COL26A1: variants seen among roughly 807,000 people sequenced by gnomAD.
COL26A1 encodes collagen alpha-1(XXVI) chain.
COL26A1 carries 41 observed loss-of-function variants against 59.3 expected under a neutral mutation model. That is an observed-to-expected ratio of 0.69 (90% CI 0.54 to 0.90). The LOEUF is 0.90. COL26A1 is among the 40% of genes least tolerant of loss of function. COL26A1 has a pLI of 0.00. For missense variants in COL26A1, 612 were observed against 602.3 expected, an observed-to-expected ratio of 1.02 and a Z score of -0.17; for synonymous variants, 266 against 256.0, an observed-to-expected ratio of 1.04 and a Z score of -0.37.
intron 3 of COL26A1, among the ~76,000 whole-genome samples, chr7:101,530,015 G>A (rs113098368): frequency 0.037 from 5,579 of 152,172 alleles, 143 homozygotes; most frequent in African/African-American, 0.057. Context: ...TCATCCAGTC[G>A]CAGGAACATC....
intron 5 of COL26A1, among the ~76,000 whole-genome samples, 165 bp from the exon 6 acceptor site, chr7:101,543,833 A>G (rs1441059113): frequency 6.6e-6 from 1 of 152,212 alleles, no homozygotes; most frequent in Non-Finnish European, 1.5e-5. Context: ...TGTAAGTTGT[A>G]ATAACCAGCT....
chr7:101,372,497 C>A (rs572792317), intron 1 of COL26A1, among the ~76,000 whole-genome samples: 1 of 152,210 alleles, frequency 6.6e-6, no homozygotes, highest in South Asian at 2.1e-4. Context: ...GTGTTCCTGA[C>A]CACATACTTA....
intron 3 of COL26A1, among the ~76,000 whole-genome samples, chr7:101,485,171 C>T (rs567941673): frequency 2.5e-4 from 38 of 151,998 alleles, no homozygotes; most frequent in Non-Finnish European, 2.8e-4. Context: ...ATATTTCTAC[C>T]GGGGGAGAGA....
chr7:101,425,802 C>T lies in COL26A1; in HGVS notation c.281+5703C>T, dbSNP rs190612072. On this transcript the variant is annotated intron_variant, in intron 2 of 12. Transcript: ENST00000313669. ...GATTACAGGTGTGAGCCACCATGCC[C>T]GGCCCCCAGTGCTTCTTAGCATAAT... 4.5e-3 allele frequency among the ~76,000 whole-genome samples: 675 copies of T among 150,464 alleles called. 2 individuals carry two copies. Among genetic ancestry groups the T allele is most frequent in the African/African-American group, 0.016 (642 of 40,880 alleles).
rs869245512 is a variant in COL26A1, at chr7:101,517,798, A to ATTTTTTTT, written c.386-15258_386-15251dup. 4.2e-4 allele frequency among the ~76,000 whole-genome samples: 32 copies of ATTTTTTTT among 76,912 alleles called. 2 individuals carry two copies. The highest frequency in any genetic ancestry group is 1.4e-3 in the East Asian group (3 of 2,154). The allele number at this position is 76,912 out of a possible 152,430, so 50.5% of individuals were successfully genotyped here. On this transcript the variant is annotated intron_variant, in intron 3 of 12. Coordinates refer to ENST00000313669, the MANE Select transcript of COL26A1 (RefSeq NM_001278563.3). ...TCAGAGAAGCTTCCCTTCTCCCCGC[A>ATTTTTTTT]TTTTTTTTTTTTTTTTTTTTTTTTT... is the stretch of plus-strand genomic sequence containing the variant.
intron 4 of COL26A1, among the ~76,000 whole-genome samples, chr7:101,533,861 T>C (rs1795421793): frequency 6.6e-6 from 1 of 152,220 alleles, no homozygotes; most frequent in Non-Finnish European, 1.5e-5. Context: ...CGAGGGTACC[T>C]CTGTCTCAGC....
intron 7 of COL26A1, among the ~76,000 whole-genome samples, chr7:101,546,250 A>AT (rs1396557224): frequency 1.3e-5 from 2 of 151,644 alleles, no homozygotes; most frequent in African/African-American, 2.4e-5. Flanking sequence ...TTTTACTTTA[A>AT]TTTTTTTTGA....
chr7:101,434,577 T>A (rs972406851), intron 2 of COL26A1, among the ~76,000 whole-genome samples: 24 of 141,992 alleles, frequency 1.7e-4, no homozygotes, highest in South Asian at 4.5e-4. Context: ...TTTTTTTTTT[T>A]AATAATATTA....
chr7:101,496,872 C>G (rs889337391), intron 3 of COL26A1, among the ~76,000 whole-genome samples: 10 of 146,226 alleles, frequency 6.8e-5, no homozygotes, highest in African/African-American at 2.6e-4. Context: ...ACAGTGAGAC[C>G]CTGTCTCAAA....
intron 3 of COL26A1, among the ~76,000 whole-genome samples, chr7:101,494,127 C>CGTTTTATTTTGTTTTGTTTT (rs71106542): frequency 3.1e-4 from 47 of 151,512 alleles, no homozygotes; most frequent in East Asian, 9.7e-4. Context: ...ATTGCATTGT[C>CGTTTTATTTTGTTTTGTTTT]GTTTTGTTTT....
intron 8 of COL26A1, among the ~76,000 whole-genome samples, chr7:101,547,799 CCATT>C (rs540226028): frequency 1.2e-4 from 17 of 141,956 alleles, no homozygotes; most frequent in South Asian, 6.2e-4. Context: ...ATTCATTTGT[CCATT>C]CATTCATTCG....
chr7:101,500,609 G>A (rs1794683138), intron 3 of COL26A1, among the ~76,000 whole-genome samples: 1 of 152,096 alleles, frequency 6.6e-6, no homozygotes, highest in South Asian at 2.1e-4. Context: ...CCTGAGGTCA[G>A]GAGTTCGAGA....
chr7:101,549,111 T>C, intron 8 of COL26A1, 60 bp from the exon 9 acceptor site: 1 of 846,726 alleles, frequency 1.2e-6, no homozygotes. Flanking sequence ...GGTGCTGGGG[T>C]GGGAGGCTGG....
chr7:101,445,996 C>T (rs1413676262), intron 2 of COL26A1, among the ~76,000 whole-genome samples: 2 of 142,584 alleles, frequency 1.4e-5, no homozygotes, highest in African/African-American at 5.2e-5. Flanking sequence ...TGCAGTGAGC[C>T]GAGATCGCGC....
intron 3 of COL26A1, among the ~76,000 whole-genome samples, chr7:101,449,504 T>C (rs1793278488): frequency 6.6e-6 from 1 of 152,224 alleles, no homozygotes; most frequent in Non-Finnish European, 1.5e-5. Context: ...AATGGTGGCT[T>C]ATGACTGTAA....
At chr7:101,369,714 C>T (rs928086319) in intron 1 of COL26A1, among the ~76,000 whole-genome samples, 6 of 151,994 alleles carry the variant, frequency 3.9e-5, no homozygotes, top group Admixed American at 2.6e-4. Context: ...TAGTCCTCTA[C>T]TGATAGACAC....
At chr7:101,528,035 G>A (rs972718140) in intron 3 of COL26A1, among the ~76,000 whole-genome samples, 10 of 152,128 alleles carry the variant, frequency 6.6e-5, no homozygotes, top group East Asian at 1.9e-4. Flanking sequence ...TGAAAATCCC[G>A]TCCGGTTCTG....
At chr7:101,436,933 C>T (rs1370316804) in intron 2 of COL26A1, among the ~76,000 whole-genome samples, 2 of 152,020 alleles carry the variant, frequency 1.3e-5, no homozygotes, top group South Asian at 2.1e-4. Context: ...AGGCTGGTCT[C>T]GAATTCCTGA....
intron 3 of COL26A1, among the ~76,000 whole-genome samples, chr7:101,492,413 C>T (rs1444893758): frequency 6.6e-6 from 1 of 151,834 alleles, no homozygotes; most frequent in Non-Finnish European, 1.5e-5. Flanking sequence ...AATAGAGTTG[C>T]AGGCCGGGCG....
Sources: allele counts gnomAD v4.1 joint callset (sites outside exome capture counted in the v4.1 genomes callset), GRCh38; gene constraint gnomAD v4.1.1; transcripts MANE v1.5; gene names NCBI Gene and HGNC (gene_info 2026-07-23, HGNC 2026-07-21).